The following ARRB1 variants were observed in gnomAD, a reference collection of about 807,000 sequenced individuals.
ARRB1 encodes beta-arrestin-1.
Under a neutral mutation model 56.8 loss-of-function variants are expected in ARRB1, and 21 were observed. That is an observed-to-expected ratio of 0.37 (90% CI 0.26 to 0.53). ARRB1 has a LOEUF of 0.53. Ranked by LOEUF, ARRB1 falls within the 20% of genes least tolerant of loss-of-function variation. The probability of loss-of-function intolerance (pLI) is 0.88; values close to 1 mark genes in which losing one functional copy is unlikely to be tolerated. For missense variants in ARRB1, 424 were observed against 553.7 expected (o/e 0.77, Z 2.35); for synonymous variants, 210 against 218.6 (o/e 0.96, Z 0.35).
At chr11:75,270,175 G>A (rs367671507) in intron 13 of ARRB1, among the ~76,000 whole-genome samples, 2 of 152,268 alleles carry the variant, frequency 1.3e-5, no homozygotes, top group Non-Finnish European at 2.9e-5. Flanking sequence ...GGCAGCTAAA[G>A]AGCTGAGTTA....
At chr11:75,273,169 C>T (rs770487738) in intron 11 of ARRB1, among the ~76,000 whole-genome samples, 191 bp from the exon 12 acceptor site, 33 of 152,164 alleles carry the variant, frequency 2.2e-4, no homozygotes, top group Admixed American at 2.0e-3. Context: ...CCCAGAGCCC[C>T]GGTTCCAAGT....
Position 75,265,775 on chromosome 11 carries a change from C to T in ARRB1, c.*388G>A, listed in dbSNP as rs755737009. 5.7e-5 allele frequency: 14 copies of T among 243,702 alleles called. No homozygotes were observed. The highest frequency in any genetic ancestry group is 2.0e-4 in the African/African-American group (9 of 44,480). The allele number at this position is 243,702 out of a possible 1,614,324, so 15.1% of individuals were successfully genotyped here. On this transcript the variant is annotated 3_prime_UTR_variant, in exon 16 of 16. Coordinates refer to ENST00000420843, the MANE Select transcript of ARRB1 (RefSeq NM_004041.5). ...ACCTGGGACCGTGGACATCTTCTCT[C>T]GTGTCTTGAGCCCTCATCCCCACCC...
intron 1 of ARRB1, among the ~76,000 whole-genome samples, chr11:75,316,289 T>C (rs1195167593): frequency 1.3e-5 from 2 of 150,858 alleles, no homozygotes; most frequent in Non-Finnish European, 3.0e-5. Flanking sequence ...ATTGCACCAT[T>C]GCACTCCAGC....
intron 1 of ARRB1, among the ~76,000 whole-genome samples, chr11:75,307,551 G>C (rs1054084849): frequency 6.6e-6 from 1 of 152,140 alleles, no homozygotes; most frequent in Non-Finnish European, 1.5e-5. Context: ...GAGTGTCCTG[G>C]AGGACAGGGC....
chr11:75,325,081 G>A (rs1947409920), intron 1 of ARRB1, among the ~76,000 whole-genome samples: 1 of 152,166 alleles, frequency 6.6e-6, no homozygotes, highest in Non-Finnish European at 1.5e-5. Flanking sequence ...TGTCAGGGTT[G>A]GAGAAAGGAC....
intron 1 of ARRB1, among the ~76,000 whole-genome samples, chr11:75,294,760 C>G (rs1406144374): frequency 2.0e-5 from 3 of 151,978 alleles, no homozygotes; most frequent in African/African-American, 7.3e-5. Flanking sequence ...TTTCTCTGGT[C>G]CTATGAAGTT....
At chr11:75,302,774 A>G (rs1364592699) in intron 1 of ARRB1, among the ~76,000 whole-genome samples, 8 of 152,116 alleles carry the variant, frequency 5.3e-5, no homozygotes, top group Admixed American at 5.2e-4. Context: ...TTGTGCTATG[A>G]TACTATGAAA....
rs1296642406 is a variant in ARRB1 at position 75,287,392 on chromosome 11, T to C, written c.52-17A>G. 1.3e-6 allele frequency: 2 copies of C among 1,555,470 alleles called. No individual in the cohort carries two copies. Among genetic ancestry groups the C allele is most frequent in the African/African-American group, 1.4e-5 (1 of 73,196 alleles). Reference sequence around the variant, plus strand: ...GACGGTGAGCTGAGGAGGAGAGGCATAGGGGGCGTTAGCAGCTGCAGGCCC... The same window carrying C: ...GACGGTGAGCTGAGGAGGAGAGGCACAGGGGGCGTTAGCAGCTGCAGGCCC... On this transcript the variant is annotated splice_polypyrimidine_tract_variant and intron_variant, in intron 2 of 15. Coordinates refer to ENST00000420843, the MANE Select transcript of ARRB1 (RefSeq NM_004041.5).
At chr11:75,347,934 C>T (rs1398219520) in intron 1 of ARRB1, among the ~76,000 whole-genome samples, 1 of 152,182 alleles carries the variant, frequency 6.6e-6, no homozygotes, top group African/African-American at 2.4e-5. Context: ...CCTTAGTTCT[C>T]AGGTTTCTCC....
chr11:75,337,608 A>T lies in ARRB1; in HGVS notation c.20+13980T>A, dbSNP rs376076078. Among the ~76,000 whole-genome samples, 3 of 152,018 alleles carry T rather than the reference A, an allele frequency of 2.0e-5. No homozygotes were observed. In the East Asian group the frequency reaches 5.8e-4, roughly 29 times the overall value. On this transcript the variant is annotated intron_variant, in intron 1 of 15. Coordinates refer to ENST00000420843, the MANE Select transcript of ARRB1 (RefSeq NM_004041.5). ...GATACACATTTGCCCTCGAGCAGAG[A>T]GGGAACTGACTTGTTAGCAGTCAAC...
At chr11:75,342,257 C>T (rs1027505477) in intron 1 of ARRB1, among the ~76,000 whole-genome samples, 7 of 152,314 alleles carry the variant, frequency 4.6e-5, no homozygotes, top group East Asian at 3.9e-4. Context: ...CTTCCCTCTC[C>T]GAGCCCTGCT....
chr11:75,342,199 A>G (rs1035698312), intron 1 of ARRB1, among the ~76,000 whole-genome samples: 1 of 152,042 alleles, frequency 6.6e-6, no homozygotes, highest in African/African-American at 2.4e-5. Context: ...ACCTTTGGGC[A>G]TCTGCCCACT....
At chr11:75,282,838 T>C (rs1027286517) in intron 5 of ARRB1, among the ~76,000 whole-genome samples, 1 of 152,138 alleles carries the variant, frequency 6.6e-6, no homozygotes, top group Non-Finnish European at 1.5e-5. Flanking sequence ...CTAAGAAACT[T>C]GAGATTTTGA....
chr11:75,273,955 T>G, intron 11 of ARRB1, 119 bp downstream of exon 11: 2 of 1,484,618 alleles, frequency 1.3e-6, no homozygotes, highest in South Asian at 1.2e-5. Context: ...GGACAGGCCC[T>G]GACAAGGCTA....
At chr11:75,266,345 G>T in intron 15 of ARRB1, 71 bp from the exon 16 acceptor site, 2 of 1,279,148 alleles carry the variant, frequency 1.6e-6, no homozygotes, top group Non-Finnish European at 2.3e-6. Flanking sequence ...CAGAGGCCCG[G>T]CCAGATGTGA....
chr11:75,321,948 G>A (rs1028254636), intron 1 of ARRB1, among the ~76,000 whole-genome samples: 2 of 152,206 alleles, frequency 1.3e-5, no homozygotes, highest in African/African-American at 4.8e-5. Flanking sequence ...TGGTTACCAT[G>A]ACACAGATCA....
At chr11:75,312,763 C>T (rs1361667938) in intron 1 of ARRB1, among the ~76,000 whole-genome samples, 4 of 152,088 alleles carry the variant, frequency 2.6e-5, no homozygotes, top group Non-Finnish European at 5.9e-5. Flanking sequence ...GAAAGACAGA[C>T]GAAAATCTAC....
At chr11:75,321,475 C>T (rs867520348) in intron 1 of ARRB1, among the ~76,000 whole-genome samples, 1 of 152,154 alleles carries the variant, frequency 6.6e-6, no homozygotes. Flanking sequence ...TACACACATG[C>T]TCACCACCAT....
At chr11:75,297,864 CAAA>C (rs34831668) in intron 1 of ARRB1, among the ~76,000 whole-genome samples, 1 of 29,268 alleles carries the variant, frequency 3.4e-5, no homozygotes, top group Non-Finnish European at 5.1e-5. Context: ...GACTTTGTCT[CAAA>C]AAAAAAAAAA....
Sources: gnomAD v4.1 joint callset for allele counts (sites outside exome capture counted in the v4.1 genomes callset) on GRCh38, gnomAD v4.1.1 for gene constraint, MANE v1.5 for transcripts, NCBI Gene and HGNC (gene_info 2026-07-23, HGNC 2026-07-21) for gene names.